KRT8: variants seen among roughly 807,000 people sequenced by gnomAD.
The protein encoded by KRT8 is keratin 8.
A neutral mutation model predicts 43.0 loss-of-function variants in KRT8; 24 were observed. That is an observed-to-expected ratio of 0.56 (90% CI 0.40 to 0.78). KRT8 has a LOEUF of 0.78. Among genes scored for constraint, KRT8 ranks in the 30% least tolerant of loss-of-function variants. The probability of loss-of-function intolerance (pLI) is 0.00; values close to 1 mark genes in which losing one functional copy is unlikely to be tolerated. For missense variants in KRT8, 492 were observed against 638.4 expected (o/e 0.77, Z 2.47); for synonymous variants, 214 against 261.2 (o/e 0.82, Z 1.74).
At chr12:52,917,399 C>T (rs1343379447) in intron 2 of KRT8, among the ~76,000 whole-genome samples, 1 of 123,402 alleles carries the variant, frequency 8.1e-6, no homozygotes, top group Non-Finnish European at 1.7e-5. Context: ...AACTCCATCT[C>T]AAAAAAAAAA....
At position 52,902,105 on chromosome 12, in the gene KRT8, C is replaced by T. The variant is rs1425503878; in HGVS notation, c.325-33G>A. 4.3e-6 allele frequency: 6 copies of T among 1,401,594 alleles called. No individual in the cohort carries two copies. In the African/African-American group the frequency reaches 8.5e-5, roughly 20 times the overall value. 86.8% of individuals were successfully genotyped at this position (1,401,594 alleles called of 1,614,324 possible). On this transcript the variant is annotated intron_variant, in intron 1 of 7. Coordinates refer to ENST00000692008, the Ensembl canonical transcript of KRT8. ...AAGGAGGAGAGAGCAAAAAGGTCTA[C>T]ATCAGGCCAGGGCTCAAAGTCTGGA...
At chr12:52,939,230 G>C (rs1449451775) in intron 2 of KRT8, among the ~76,000 whole-genome samples, 1 of 152,206 alleles carries the variant, frequency 6.6e-6, no homozygotes, top group Non-Finnish European at 1.5e-5. Context: ...ACTTGGCCAG[G>C]CATGGTGGTT....
chr12:52,900,184 G>A (rs1941331824), intron 4 of KRT8, 119 bp from the exon 5 acceptor site: 4 of 1,006,048 alleles, frequency 4.0e-6, no homozygotes, highest in Non-Finnish European at 5.8e-6. Flanking sequence ...GCAGGTGGGA[G>A]TCAGGGTCAG....
chr12:52,933,092 C>T (rs1942111123), intron 2 of KRT8, among the ~76,000 whole-genome samples: 1 of 152,060 alleles, frequency 6.6e-6, no homozygotes, highest in South Asian at 2.1e-4. Context: ...TACAGGCACT[C>T]ACCACCACGC....
At chr12:52,907,460 G>A (rs1306769656), upstream of KRT8, among the ~76,000 whole-genome samples, 1 of 152,158 alleles carries the variant, frequency 6.6e-6, no homozygotes, top group Non-Finnish European at 1.5e-5. Context: ...TCCTGATCTA[G>A]GCAGCACAAG....
chr12:52,925,337 G>T (rs907578774), intron 2 of KRT8, among the ~76,000 whole-genome samples: 6 of 152,076 alleles, frequency 3.9e-5, no homozygotes, highest in Admixed American at 3.3e-4. Context: ...TGGCTCCCAG[G>T]GGCTCAGGCT....
chr12:52,916,026 T>C (rs972842772), intron 2 of KRT8, among the ~76,000 whole-genome samples: 19 of 152,164 alleles, frequency 1.2e-4, no homozygotes, highest in African/African-American at 4.3e-4. Context: ...AAGATATGGA[T>C]GGAAAGATCT....
chr12:52,923,150 T>C (rs1941921558), intron 2 of KRT8, among the ~76,000 whole-genome samples: 1 of 152,192 alleles, frequency 6.6e-6, no homozygotes. Context: ...CTAGGATGTG[T>C]GATTAAAATC....
At chr12:52,908,256 C>T (rs1477558368), upstream of KRT8, among the ~76,000 whole-genome samples, 1 of 151,924 alleles carries the variant, frequency 6.6e-6, no homozygotes, top group Non-Finnish European at 1.5e-5. Flanking sequence ...GACGGAGTCT[C>T]GCTCTGTCAC....
chr12:52,912,091 C>A (rs982582959), intron 2 of KRT8, among the ~76,000 whole-genome samples: 3 of 152,150 alleles, frequency 2.0e-5, no homozygotes, highest in Admixed American at 6.5e-5. Flanking sequence ...GTTTAACAAC[C>A]AAGAGACTGT....
intron 2 of KRT8, among the ~76,000 whole-genome samples, chr12:52,922,289 T>G (rs1452681854): frequency 1.3e-5 from 2 of 149,830 alleles, no homozygotes; most frequent in African/African-American, 2.5e-5. Context: ...CTCCCCACCT[T>G]ATACCTCCCT....
chr12:52,928,692 G>A (rs560360477), intron 2 of KRT8, among the ~76,000 whole-genome samples: 33 of 152,250 alleles, frequency 2.2e-4, no homozygotes, highest in Admixed American at 4.6e-4. Flanking sequence ...ATCACCTGAC[G>A]TCAGGAGTTC....
intron 2 of KRT8, among the ~76,000 whole-genome samples, chr12:52,938,151 TATATATATATATATATA>T (rs1942201292): frequency 5.5e-5 from 2 of 36,554 alleles, no homozygotes; most frequent in South Asian, 7.7e-4. Flanking sequence ...TATATATATA[TATATATATATATATATA>T]TATTTTTTTT....
intron 2 of KRT8, among the ~76,000 whole-genome samples, chr12:52,927,988 G>A (rs1054935416): frequency 1.3e-5 from 2 of 152,212 alleles, no homozygotes; most frequent in African/African-American, 2.4e-5. Context: ...GAGGCGGGAG[G>A]CGCAGGTTGC....
intron 2 of KRT8, among the ~76,000 whole-genome samples, chr12:52,941,479 T>C (rs1213597295): frequency 2.4e-5 from 1 of 41,612 alleles, no homozygotes; most frequent in Non-Finnish European, 4.7e-5. Flanking sequence ...GTTTTTGCTC[T>C]TTTTTTTTTT....
chr12:52,909,223 CA>C (rs1424713088), upstream of KRT8, among the ~76,000 whole-genome samples: 1 of 152,148 alleles, frequency 6.6e-6, no homozygotes, highest in Non-Finnish European at 1.5e-5. Context: ...CATAAGGGGT[CA>C]GGGGAAAGAA....
chr12:52,945,877 T>C lies in KRT8; in HGVS notation c.-47+3579A>G, dbSNP rs146725447. Among the ~76,000 whole-genome samples the C allele has an allele frequency of 3.2e-3, 487 of 152,002 alleles. 7 individuals carry two copies. The highest frequency in any genetic ancestry group is 0.02 in the East Asian group (101 of 5,160). ...CACGCCATCCCCCTTTCCACCTTGC[T>C]TCCCACCCCCACCCCAGAACCCTAG... is the stretch of plus-strand genomic sequence containing the variant. On this transcript the variant is annotated intron_variant, in intron 2 of 6. Coordinates refer to the KRT8 transcript ENST00000546826.
At chr12:52,933,024 AC>A (rs1314830943) in intron 2 of KRT8, among the ~76,000 whole-genome samples, 1 of 152,120 alleles carries the variant, frequency 6.6e-6, no homozygotes, top group African/African-American at 2.4e-5. Context: ...GCTCACCGCA[AC>A]CTCTGCCTCC....
intron 2 of KRT8, among the ~76,000 whole-genome samples, chr12:52,937,544 C>T (rs1379943183): frequency 2.7e-5 from 4 of 150,480 alleles, no homozygotes; most frequent in Non-Finnish European, 5.9e-5. Flanking sequence ...AAAAATTAGC[C>T]AGGCATGGTG....
Sources: gnomAD v4.1 joint callset for allele counts (sites outside exome capture counted in the v4.1 genomes callset) on GRCh38, gnomAD v4.1.1 for gene constraint, MANE v1.5 for transcripts, NCBI Gene and HGNC (gene_info 2026-07-23, HGNC 2026-07-21) for gene names.